The following COL5A2 variants were observed in gnomAD, a reference collection of about 807,000 sequenced individuals.
The protein encoded by COL5A2 is collagen alpha-2(V) chain.
Under a neutral mutation model 208.2 loss-of-function variants are expected in COL5A2, and 23 were observed. The ratio of observed to expected loss-of-function variants is 0.11; its 90% CI spans 0.08 to 0.16. The LOEUF is 0.16. Ranked by LOEUF, COL5A2 falls within the 10% of genes least tolerant of loss-of-function variation. The pLI, the probability that COL5A2 is intolerant of heterozygous loss-of-function variation, is 1.00. For missense variants in COL5A2, 1,590 were observed against 1,956.4 expected (o/e 0.81, Z 3.53); for synonymous variants, 625 against 628.5 (o/e 0.99, Z 0.08).
the COL5A2 span, among the ~76,000 whole-genome samples, chr2:189,394,273 T>G: frequency 8.5e-5 from 13 of 152,108 alleles, no homozygotes; most frequent in Admixed American, 8.5e-4. Context: ...AAACATTAGA[T>G]TCTTCATACA....
At chr2:189,358,757 T>A in the COL5A2 span, among the ~76,000 whole-genome samples, 5 of 152,342 alleles carry the variant, frequency 3.3e-5, no homozygotes, top group African/African-American at 9.6e-5. Flanking sequence ...ATTTCTTTCA[T>A]CAGTATTTTA....
the COL5A2 span, among the ~76,000 whole-genome samples, chr2:189,343,679 A>C: frequency 6.6e-6 from 1 of 152,168 alleles, no homozygotes; most frequent in Non-Finnish European, 1.5e-5. Context: ...CCATTTCATA[A>C]CCTGAGAATA....
intron 1 of COL5A2, among the ~76,000 whole-genome samples, chr2:189,172,505 C>T (rs909138990): frequency 6.6e-6 from 1 of 152,122 alleles, no homozygotes; most frequent in Non-Finnish European, 1.5e-5. Flanking sequence ...TCCTAAGAAT[C>T]CCATCAGATG....
At chr2:189,218,825 G>C (rs552854082) in intron 1 of COL5A2, among the ~76,000 whole-genome samples, 1 of 151,966 alleles carries the variant, frequency 6.6e-6, no homozygotes, top group Admixed American at 6.6e-5. Context: ...ATATTTCAGT[G>C]CACACAATGA....
At chr2:189,384,786 C>T in the COL5A2 span, among the ~76,000 whole-genome samples, 1 of 151,898 alleles carries the variant, frequency 6.6e-6, no homozygotes, top group East Asian at 1.9e-4. Flanking sequence ...CTTTTGTTGC[C>T]TGTGCTTTTG....
the COL5A2 span, among the ~76,000 whole-genome samples, chr2:189,252,269 C>A: frequency 6.6e-6 from 1 of 152,150 alleles, no homozygotes; most frequent in East Asian, 1.9e-4. Context: ...TGGGTATATA[C>A]CCAAAGGATT....
chr2:189,072,428 T>C (rs1264446586), intron 17 of COL5A2, among the ~76,000 whole-genome samples: 1 of 152,190 alleles, frequency 6.6e-6, no homozygotes, highest in African/African-American at 2.4e-5. Context: ...TTTAGAAAGT[T>C]ATATTTTATA....
intron 1 of COL5A2, among the ~76,000 whole-genome samples, chr2:189,214,741 A>C (rs879534430): frequency 6.6e-6 from 1 of 152,222 alleles, no homozygotes; most frequent in Non-Finnish European, 1.5e-5. Context: ...AGCTTGACTA[A>C]CCAACCAATG....
chr2:189,415,330 T>C, the COL5A2 span, among the ~76,000 whole-genome samples: 3 of 152,222 alleles, frequency 2.0e-5, no homozygotes, highest in Non-Finnish European at 2.9e-5. Flanking sequence ...ATTTATAATT[T>C]TGAATTTTCT....
chr2:189,329,285 A>G, the COL5A2 span, among the ~76,000 whole-genome samples: 1 of 152,318 alleles, frequency 6.6e-6, no homozygotes, highest in South Asian at 2.1e-4. Flanking sequence ...TAACTCATAG[A>G]ACTCATAGAA....
intron 1 of COL5A2, among the ~76,000 whole-genome samples, chr2:189,161,333 T>C (rs966823084): frequency 1.3e-5 from 2 of 152,146 alleles, no homozygotes; most frequent in African/African-American, 4.8e-5. Flanking sequence ...ATTCCTCTCA[T>C]TATGTATTCC....
chr2:189,280,561 G>A, the COL5A2 span, among the ~76,000 whole-genome samples: 2 of 152,034 alleles, frequency 1.3e-5, no homozygotes, highest in Non-Finnish European at 2.9e-5. Context: ...AACAAAGCAG[G>A]AGACCTAGAG....
chr2:189,262,532 G>A, the COL5A2 span, among the ~76,000 whole-genome samples: 6 of 151,998 alleles, frequency 3.9e-5, no homozygotes, highest in African/African-American at 1.4e-4. Context: ...ATGGTTCACC[G>A]ACTAGTTCTC....
the COL5A2 span, among the ~76,000 whole-genome samples, chr2:189,340,135 T>C: frequency 2.0e-5 from 3 of 152,146 alleles, no homozygotes; most frequent in South Asian, 6.2e-4. Flanking sequence ...GCAAGACCTT[T>C]TCCCAGGTAA....
At chr2:189,197,754 G>C (rs867189549) in intron 1 of COL5A2, among the ~76,000 whole-genome samples, 18 of 151,600 alleles carry the variant, frequency 1.2e-4, no homozygotes, top group African/African-American at 4.4e-4. Flanking sequence ...ATTCAGGCAG[G>C]ATCTGTTTGA....
At chr2:189,057,239 C>T (rs1036196312) in intron 34 of COL5A2, 81 bp downstream of exon 34, 1 of 1,098,778 alleles carries the variant, frequency 9.1e-7, no homozygotes, top group Non-Finnish European at 1.3e-6. Context: ...GAAATAAAAG[C>T]CTGCTCAAGA....
chr2:189,240,362 C>G, the COL5A2 span, among the ~76,000 whole-genome samples: 2 of 152,102 alleles, frequency 1.3e-5, no homozygotes, highest in Non-Finnish European at 2.9e-5. Context: ...AGAGAGAACA[C>G]TTGTGTCTTT....
the COL5A2 span, among the ~76,000 whole-genome samples, chr2:189,284,554 G>A: frequency 6.6e-6 from 1 of 152,008 alleles, no homozygotes; most frequent in Non-Finnish European, 1.5e-5. Context: ...ACAGCAAGGG[G>A]GAAGTCCGCC....
In COL5A2 at chr2:189,063,225, C is replaced by T; in HGVS notation, c.1816G>A (p.Gly606Arg). ...ATGCTCCCGGGCTGCCCTCTGATTC[C>T]TATGGAGCCTGGAGGACCTGGACGG... The part of the protein sequence containing the change: ...DGRPGPPGSI[G>R]IRGQPGSMGL... The change falls in exon 27 of 54, where the codon GGA (glycine) becomes AGA (arginine). Residue 606 changes from glycine to arginine, a missense_variant. Physicochemically the swap from Gly to Arg is moderately radical, Grantham distance 125 (BLOSUM62 -2). Coordinates refer to ENST00000374866, the MANE Select transcript of COL5A2 (RefSeq NM_000393.5). 8.1e-6 allele frequency: 13 copies of T among 1,614,180 alleles called. No individual in the cohort carries two copies. Among genetic ancestry groups the T allele is most frequent in the Non-Finnish European group, 1.1e-5 (13 of 1,180,038 alleles).
Sources: allele counts gnomAD v4.1 joint callset (sites outside exome capture counted in the v4.1 genomes callset), GRCh38; gene constraint gnomAD v4.1.1; transcripts MANE v1.5; gene names NCBI Gene and HGNC (gene_info 2026-07-23, HGNC 2026-07-21).